EPB41L4A: variants seen among roughly 807,000 people sequenced by gnomAD.
EPB41L4A encodes the protein erythrocyte membrane protein band 4.1 like 4A, also known as band 4.1-like protein 4A.
In EPB41L4A, 100 loss-of-function variants were observed where a neutral mutation model predicts 108.6. The observed-to-expected ratio is 0.92, with a 90% CI of 0.78 to 1.09. EPB41L4A has a LOEUF of 1.09. Ranked by LOEUF, EPB41L4A falls within the 50% of genes least tolerant of loss-of-function variation. The pLI, the probability that EPB41L4A is intolerant of heterozygous loss-of-function variation, is 0.00. For missense variants in EPB41L4A, 1,030 were observed against 842.7 expected (o/e 1.22, Z -2.75); for synonymous variants, 319 against 289.0 (o/e 1.10, Z -1.05).
chr5:112,250,945 G>A (rs144390552), intron 9 of EPB41L4A, among the ~76,000 whole-genome samples: 195 of 152,272 alleles, frequency 1.3e-3, no homozygotes, highest in African/African-American at 4.4e-3. Context: ...TCACTTTACA[G>A]ATTACGAAAT....
intron 1 of EPB41L4A, among the ~76,000 whole-genome samples, chr5:112,385,564 T>C (rs146392519): frequency 8.8e-5 from 13 of 147,676 alleles, no homozygotes; most frequent in Non-Finnish European, 1.5e-4. Flanking sequence ...GCACAATCAA[T>C]TAAAAAATCC....
rs551744189 is a variant in EPB41L4A, at chr5:112,272,570, A to G, written c.335+2756T>C. On this transcript the variant is annotated intron_variant, in intron 4 of 22. Coordinates refer to ENST00000261486, the MANE Select transcript of EPB41L4A (RefSeq NM_022140.5). ...CAAGGCAGGTGGATCACCTGAGGTC[A>G]GGAGTTCAAGACCAGCCTGCCCAAC... 3.9e-4 allele frequency among the ~76,000 whole-genome samples: 60 copies of G among 152,024 alleles called. No individual in the cohort carries two copies. In the Middle Eastern group the frequency reaches 0.01, roughly 26 times the overall value.
intron 1 of EPB41L4A, among the ~76,000 whole-genome samples, chr5:112,343,423 G>A (rs893998278): frequency 2.6e-5 from 4 of 152,070 alleles, no homozygotes; most frequent in African/African-American, 4.8e-5. Flanking sequence ...TCTGTAAGAC[G>A]GGAATATTAA....
chr5:112,345,780 T>TAC lies in EPB41L4A; in HGVS notation c.100-38292_100-38291dup, dbSNP rs60638685. 8.6e-3 allele frequency among the ~76,000 whole-genome samples: 639 copies of TAC among 74,628 alleles called. 1 individual carries two copies. The highest frequency in any genetic ancestry group is 0.056 in the East Asian group (194 of 3,466). The allele number at this position is 74,628 out of a possible 152,430, so 49.0% of individuals were successfully genotyped here. Reference sequence around the variant, plus strand: ...ATATATATATATACATATATATATATACACACACACACACACACACACACA... The same window carrying TAC: ...ATATATATATATACATATATATATATACACACACACACACACACACACACACA... On this transcript the variant is annotated intron_variant, in intron 1 of 22. Transcript: ENST00000261486.
chr5:112,275,995 G>GT (rs1050344851), intron 3 of EPB41L4A, among the ~76,000 whole-genome samples: 1 of 151,854 alleles, frequency 6.6e-6, no homozygotes, highest in Non-Finnish European at 1.5e-5. Flanking sequence ...ATATATTTGA[G>GT]TTTTTTTTCC....
intron 1 of EPB41L4A, among the ~76,000 whole-genome samples, chr5:112,323,530 A>G (rs1755945659): frequency 6.6e-6 from 1 of 152,224 alleles, no homozygotes; most frequent in Non-Finnish European, 1.5e-5. Context: ...ATTTATGTGA[A>G]CAGGCAACTC....
intron 1 of EPB41L4A, among the ~76,000 whole-genome samples, chr5:112,366,871 G>T (rs936700646): frequency 2.0e-5 from 3 of 152,122 alleles, no homozygotes; most frequent in African/African-American, 7.2e-5. Flanking sequence ...CTCCTCAAAG[G>T]CAGCAACAGT....
chr5:112,296,986 T>TATAC (rs1554093013), intron 2 of EPB41L4A, among the ~76,000 whole-genome samples: 18 of 126,486 alleles, frequency 1.4e-4, no homozygotes, highest in African/African-American at 6.2e-4. Context: ...CATATATACA[T>TATAC]ACATACACAC....
At chr5:112,215,294 G>C (rs1747540653) in intron 12 of EPB41L4A, among the ~76,000 whole-genome samples, 1 of 152,200 alleles carries the variant, frequency 6.6e-6, no homozygotes, top group African/African-American at 2.4e-5. Context: ...GCACACTGCT[G>C]TTTCAATTCA....
intron 1 of EPB41L4A, among the ~76,000 whole-genome samples, chr5:112,333,708 C>T (rs942653474): frequency 6.6e-6 from 1 of 152,152 alleles, no homozygotes; most frequent in Non-Finnish European, 1.5e-5. Flanking sequence ...GCCACTTTTC[C>T]AAGACACATG....
intron 18 of EPB41L4A, among the ~76,000 whole-genome samples, chr5:112,171,659 G>A (rs1015522248): frequency 6.6e-6 from 1 of 152,120 alleles, no homozygotes; most frequent in Non-Finnish European, 1.5e-5. Flanking sequence ...TAACTTCCTA[G>A]AATGAAAAAT....
intron 13 of EPB41L4A, among the ~76,000 whole-genome samples, chr5:112,145,623 T>C (rs1338285646): frequency 6.6e-6 from 1 of 152,190 alleles, no homozygotes; most frequent in East Asian, 1.9e-4. Context: ...TTACATGTAG[T>C]CTCTTTAAAA....
chr5:112,220,204 C>T (rs189703370), intron 12 of EPB41L4A, among the ~76,000 whole-genome samples: 2 of 152,264 alleles, frequency 1.3e-5, no homozygotes, highest in Non-Finnish European at 2.9e-5. Flanking sequence ...AAAGACATCA[C>T]CACTGAGTCA....
chr5:112,315,044 A>G (rs150957284), intron 1 of EPB41L4A, among the ~76,000 whole-genome samples: 143 of 152,290 alleles, frequency 9.4e-4, no homozygotes, highest in African/African-American at 2.9e-3. Context: ...AGGGAGGGAT[A>G]TTTGGAAACC....
At chr5:112,332,934 G>A (rs1279641224) in intron 1 of EPB41L4A, among the ~76,000 whole-genome samples, 1 of 152,222 alleles carries the variant, frequency 6.6e-6, no homozygotes, top group Admixed American at 6.5e-5. Context: ...AAGGTTTGCA[G>A]AAAGGTTCTC....
chr5:112,233,087 T>C (rs1462913269), intron 12 of EPB41L4A, among the ~76,000 whole-genome samples: 1 of 151,760 alleles, frequency 6.6e-6, no homozygotes, highest in African/African-American at 2.4e-5. Flanking sequence ...AACAGTAGAA[T>C]GAATAAATTG....
Position 112,238,716 on chromosome 5 carries a change from G to T in EPB41L4A, c.965+944C>A, listed in dbSNP as rs114841822. ...CTGCTTGGGTTTTACAAGGCCTGGG[G>T]ACCTCCCTCACTGTTTGAATAATAC... On this transcript the variant is annotated intron_variant, in intron 11 of 22. Coordinates refer to ENST00000261486, the MANE Select transcript of EPB41L4A (RefSeq NM_022140.5). Among the ~76,000 whole-genome samples the T allele has an allele frequency of 3.7e-3, 556 of 152,240 alleles. 7 individuals are homozygous for T. The highest frequency in any genetic ancestry group is 0.013 in the African/African-American group (526 of 41,550).
chr5:112,222,786 T>C (rs1748157799), intron 12 of EPB41L4A, among the ~76,000 whole-genome samples: 1 of 152,114 alleles, frequency 6.6e-6, no homozygotes, highest in Non-Finnish European at 1.5e-5. Context: ...GGCGGTTTCC[T>C]CAGAGGCCCC....
chr5:112,189,507 G>C (rs1038930647), intron 17 of EPB41L4A, among the ~76,000 whole-genome samples: 2 of 152,140 alleles, frequency 1.3e-5, no homozygotes, highest in African/African-American at 4.8e-5. Context: ...GCCTGACACT[G>C]ACGTACATGA....
Sources: allele counts gnomAD v4.1 joint callset (sites outside exome capture counted in the v4.1 genomes callset), GRCh38; gene constraint gnomAD v4.1.1; transcripts MANE v1.5; gene names NCBI Gene and HGNC (gene_info 2026-07-23, HGNC 2026-07-21).